BBS4: variants seen among roughly 807,000 people sequenced by gnomAD.
BBS4 encodes the protein BBSome complex member BBS4.
In BBS4, 58 loss-of-function variants were observed where a neutral mutation model predicts 71.4. The ratio of observed to expected loss-of-function variants is 0.81; its 90% CI spans 0.66 to 1.01. The LOEUF is 1.01. Among genes scored for constraint, BBS4 ranks in the 50% least tolerant of loss-of-function variants. The pLI is 0.00. For synonymous variants in BBS4, 228 were observed against 216.8 expected, an observed-to-expected ratio of 1.05 and a Z score of -0.46; for missense variants, 660 against 607.9, an observed-to-expected ratio of 1.09 and a Z score of -0.90.
At chr15:72,697,921 G>T (rs2065104361) in intron 2 of BBS4, 1 of 454,592 alleles carries the variant, frequency 2.2e-6, no homozygotes, top group African/African-American at 2.0e-5. Context: ...CTACTTGGTG[G>T]TTCTGAGAAA....
At position 72,738,317 on chromosome 15, in the gene BBS4, T is replaced by C. The variant is rs1567437738; in HGVS notation, c.*730T>C. On this transcript the variant is annotated 3_prime_UTR_variant, in exon 16 of 16. Transcript: ENST00000268057. ...AAGGAAGAGTTTCTTAGATGAGTAA[T>C]TGTTATTGAAGATAGTCAGTGATAA... 1.3e-5 allele frequency: 6 copies of C among 454,038 alleles called. No individual in the cohort carries two copies. Among genetic ancestry groups the C allele is most frequent in the Admixed American group, 1.2e-4 (5 of 42,560 alleles). The allele number at this position is 454,038 out of a possible 1,614,324, so 28.1% of individuals were successfully genotyped here. A position where few individuals can be genotyped will look rare whatever the true frequency, so the allele number is the denominator to read the frequency against.
chr15:72,728,151 A>G (rs1211071240), intron 9 of BBS4, among the ~76,000 whole-genome samples, 157 bp downstream of exon 9: 2 of 152,210 alleles, frequency 1.3e-5, no homozygotes, highest in Non-Finnish European at 2.9e-5. Flanking sequence ...TGCTAAAGGA[A>G]TTAATTTTCT....
chr15:72,702,984 TA>T (rs1429929523), intron 2 of BBS4, among the ~76,000 whole-genome samples: 4 of 137,280 alleles, frequency 2.9e-5, no homozygotes, highest in African/African-American at 1.1e-4. Flanking sequence ...ATTTTTTTTG[TA>T]TTTTTAGTAG....
intron 1 of BBS4, among the ~76,000 whole-genome samples, chr15:72,687,735 C>G (rs1479302856): frequency 6.6e-6 from 1 of 151,938 alleles, no homozygotes; most frequent in Non-Finnish European, 1.5e-5. Flanking sequence ...CGAGACCAGC[C>G]TGGCCAACGT....
Position 72,736,883 on chromosome 15 carries a change from GT to G in BBS4, c.1373del (p.Phe458SerfsTer11). 2 of 1,614,174 alleles carry G rather than the reference GT, an allele frequency of 1.2e-6. No homozygotes were observed. The highest frequency in any genetic ancestry group is 8.5e-7 in the Non-Finnish European group (1 of 1,180,040). On this transcript the variant is annotated frameshift_variant, in exon 15 of 16. Coordinates refer to ENST00000268057, the MANE Select transcript of BBS4 (RefSeq NM_033028.5). LOFTEE classifies it high-confidence loss of function. ...ACCACTTCAACCAGCAAACCTGCCAGTTTCCAGCAGCCTCTGGGCTCTAATC... is the reference window on the plus strand; with the variant it reads ...ACCACTTCAACCAGCAAACCTGCCAGTTCCAGCAGCCTCTGGGCTCTAATC... Reference protein sequence around the residue: ...HQTTSTSKPASFQQPLGSNQA... With the variant: ...HQTTSTSKPAXFQQPLGSNQA...
chr15:72,728,681 G>A (rs1046880731), intron 9 of BBS4, among the ~76,000 whole-genome samples: 1 of 152,118 alleles, frequency 6.6e-6, no homozygotes, highest in Non-Finnish European at 1.5e-5. Flanking sequence ...AAGAGAGAAG[G>A]CAAAGTATAC....
At chr15:72,721,482 A>AG (rs1484667216) in intron 6 of BBS4, among the ~76,000 whole-genome samples, 1 of 152,148 alleles carries the variant, frequency 6.6e-6, no homozygotes, top group African/African-American at 2.4e-5. Context: ...AAGAAAAAAA[A>AG]AATCCCAATA....
At chr15:72,718,376 C>G (rs2065504984) in intron 6 of BBS4, among the ~76,000 whole-genome samples, 1 of 152,208 alleles carries the variant, frequency 6.6e-6, no homozygotes, top group Admixed American at 6.5e-5. Flanking sequence ...TTCTTCCTCT[C>G]TGCATTTTGG....
chr15:72,695,577 A>G (rs2065062919), intron 2 of BBS4, among the ~76,000 whole-genome samples: 1 of 152,160 alleles, frequency 6.6e-6, no homozygotes, highest in Non-Finnish European at 1.5e-5. Flanking sequence ...GTGAGCCGCC[A>G]CGCCTGGCCA....
chr15:72,688,910 A>C (rs1243486687), intron 1 of BBS4, among the ~76,000 whole-genome samples: 1 of 152,246 alleles, frequency 6.6e-6, no homozygotes, highest in Non-Finnish European at 1.5e-5. Context: ...TTATGCAGTC[A>C]TTAAAAAGAA....
At chr15:72,705,368 A>G (rs1026757701) in intron 2 of BBS4, among the ~76,000 whole-genome samples, 6 of 152,226 alleles carry the variant, frequency 3.9e-5, no homozygotes, top group African/African-American at 9.6e-5. Context: ...AGTTGTGTAC[A>G]CTGAAATGTT....
intron 7 of BBS4, among the ~76,000 whole-genome samples, chr15:72,724,084 G>A (rs1036014329): frequency 6.6e-6 from 1 of 152,188 alleles, no homozygotes; most frequent in Non-Finnish European, 1.5e-5. Flanking sequence ...AAGCAGTTGG[G>A]TGAATAAATG....
chr15:72,712,409 C>A, intron 4 of BBS4, 102 bp downstream of exon 4: 2 of 1,060,646 alleles, frequency 1.9e-6, no homozygotes, highest in Non-Finnish European at 2.9e-6. Context: ...TACAGTCATG[C>A]ACCACTTAAC....
chr15:72,733,996 T>C (rs1460648245), intron 12 of BBS4, among the ~76,000 whole-genome samples: 1 of 152,222 alleles, frequency 6.6e-6, no homozygotes, highest in Admixed American at 6.5e-5. Context: ...CTCACTGTGG[T>C]TTCAATTTGC....
At chr15:72,706,300 C>T (rs2065263599) in intron 2 of BBS4, among the ~76,000 whole-genome samples, 1 of 152,020 alleles carries the variant, frequency 6.6e-6, no homozygotes, top group Non-Finnish European at 1.5e-5. Context: ...CCACTCCCGG[C>T]TAATTTTTTG....
At position 72,731,650 on chromosome 15, in the gene BBS4, T is replaced by A. The variant is rs770891152; in HGVS notation, c.960T>A (p.Tyr320Ter). Residue 320 changes from tyrosine (Y) to a stop codon, truncating the protein, a stop_gained, in exon 12 of 16, where the codon TAT becomes TAA. Transcript: ENST00000268057. LOFTEE classifies it high-confidence loss of function. ...LGLVHLTMQQ[Y>*]ASAFHFLSAA... ...TTGTCCATTTGACCATGCAGCAGTA[T>A]GCATCAGCTTTTCATTTTCTCAGTG... is the stretch of plus-strand genomic sequence containing the variant. The A allele has an allele frequency of 2.6e-5, 42 of 1,614,240 alleles. No individual in the cohort carries two copies. The highest frequency in any genetic ancestry group is 3.6e-5 in the Non-Finnish European group (42 of 1,180,046).
intron 1 of BBS4, among the ~76,000 whole-genome samples, chr15:72,691,677 A>G (rs777280562): frequency 6.6e-6 from 1 of 152,194 alleles, no homozygotes; most frequent in Non-Finnish European, 1.5e-5. Context: ...ATTAAAAACA[A>G]TGCTGCTGCT....
At chr15:72,714,245 A>G (rs1411487746) in intron 4 of BBS4, among the ~76,000 whole-genome samples, 2 of 40,172 alleles carry the variant, frequency 5.0e-5, no homozygotes, top group South Asian at 7.9e-4. Flanking sequence ...TTTTTTTTTG[A>G]GACAGAGTCT....
chr15:72,731,370 CAG>C lies in BBS4; in HGVS notation c.780_781del (p.Arg260SerfsTer15). ...GDFDVALTKY[R>X]VVACAVPESP... ...ACTTTGATGTTGCCCTCACCAAATA[CAG>C]AGTTGTGGCTTGTGCTGTTCCAGAA... On this transcript the variant is annotated frameshift_variant, in exon 11 of 16. Coordinates refer to ENST00000268057, the MANE Select transcript of BBS4 (RefSeq NM_033028.5). LOFTEE classifies it high-confidence loss of function. 1 of 1,614,158 alleles carries C rather than the reference CAG, an allele frequency of 6.2e-7. No individual in the cohort carries two copies. Among genetic ancestry groups the C allele is most frequent in the Non-Finnish European group, 8.5e-7 (1 of 1,180,004 alleles).
Sources: gnomAD v4.1 joint callset for allele counts (sites outside exome capture counted in the v4.1 genomes callset) on GRCh38, gnomAD v4.1.1 for gene constraint, MANE v1.5 for transcripts, NCBI Gene and HGNC (gene_info 2026-07-23, HGNC 2026-07-21) for gene names.